Variants in PTPRZ1 observed in about 807,000 individuals in gnomAD.
PTPRZ1 encodes the protein receptor-type tyrosine-protein phosphatase zeta.
PTPRZ1 carries 82 observed loss-of-function variants against 214.1 expected under a neutral mutation model. That is an observed-to-expected ratio of 0.38 (90% CI 0.32 to 0.46). The LOEUF is 0.46. Among genes scored for constraint, PTPRZ1 ranks in the 20% least tolerant of loss-of-function variants. PTPRZ1 has a pLI of 1.00. For missense variants in PTPRZ1, 2,603 were observed against 2,748.7 expected (o/e 0.95, Z 1.19); for synonymous variants, 945 against 987.9 (o/e 0.96, Z 0.81).
At chr7:122,022,267 C>A (rs1186732531) in intron 13 of PTPRZ1, among the ~76,000 whole-genome samples, 2 of 152,116 alleles carry the variant, frequency 1.3e-5, no homozygotes, top group South Asian at 4.1e-4. Context: ...TCCATAATGA[C>A]TAATGATGTT....
rs1253879481 is a variant in PTPRZ1, at chr7:122,034,356, T to A, written c.5262T>A (p.Asn1754Lys). The A allele has an allele frequency of 1.2e-6, 2 of 1,613,196 alleles. No individual in the cohort carries two copies. The highest frequency in any genetic ancestry group is 1.7e-6 in the Non-Finnish European group (2 of 1,179,468). Residue 1754 changes from asparagine (N) to lysine (K), a missense_variant, in exon 17 of 30, where the codon AAT becomes AAA. By Grantham distance (94) the Asn-to-Lys change is moderately conservative. Transcript: ENST00000393386. ...SSNHPDNKHKNRYINIVAYDH... is the reference protein window; with the variant it reads ...SSNHPDNKHKKRYINIVAYDH... ...ACCACCCAGACAACAAGCACAAGAATCGATACATAAATATCGTTGCCTGTA... is the reference window on the plus strand; with the variant it reads ...ACCACCCAGACAACAAGCACAAGAAACGATACATAAATATCGTTGCCTGTA...
intron 15 of PTPRZ1, among the ~76,000 whole-genome samples, chr7:122,033,219 G>A (rs1039905299): frequency 2.0e-5 from 3 of 151,844 alleles, no homozygotes; most frequent in Non-Finnish European, 4.4e-5. Flanking sequence ...AACTAATAGC[G>A]TTATACCTTT....
rs76322969 is a variant in PTPRZ1, at chr7:122,025,147, G to A, written c.4989-3405G>A. On this transcript the variant is annotated intron_variant, in intron 13 of 29. Coordinates refer to ENST00000393386, the MANE Select transcript of PTPRZ1 (RefSeq NM_002851.3). ...GGGTTTACATAAAATCAAGAGATAC[G>A]GCCCCATCTTTTAAAAATGTAATAA... Among the ~76,000 whole-genome samples the A allele has an allele frequency of 5.4e-3, 817 of 151,938 alleles. 2 individuals carry two copies. The highest frequency in any genetic ancestry group is 0.013 in the South Asian group (61 of 4,820).
Position 121,873,458 on chromosome 7 carries a change from A to G in PTPRZ1, c.-42A>G. 6.2e-7 allele frequency: 1 copy of G among 1,605,818 alleles called. No individual in the cohort carries two copies. The highest frequency in any genetic ancestry group is 8.5e-7 in the Non-Finnish European group (1 of 1,174,024). ...CTCCCCCTCCCTCTCCACTCTGAGA[A>G]GCAGAGGAGCCGCACGGCGAGGGGC... On this transcript the variant is annotated 5_prime_UTR_variant, in exon 1 of 30. Transcript: ENST00000393386.
intron 1 of PTPRZ1, among the ~76,000 whole-genome samples, chr7:121,915,272 G>A (rs927730000): frequency 6.6e-6 from 1 of 152,172 alleles, no homozygotes; most frequent in Admixed American, 6.5e-5. Flanking sequence ...GGAAGTGAGT[G>A]CATAGCCTCA....
chr7:122,017,057 G>A (rs1182486604), intron 12 of PTPRZ1, among the ~76,000 whole-genome samples: 1 of 152,042 alleles, frequency 6.6e-6, no homozygotes, highest in Non-Finnish European at 1.5e-5. Flanking sequence ...AAGAAAATCT[G>A]ATATAGATAA....
intron 11 of PTPRZ1, among the ~76,000 whole-genome samples, chr7:122,008,059 T>C (rs1489282410): frequency 1.3e-5 from 2 of 151,970 alleles, no homozygotes; most frequent in Non-Finnish European, 2.9e-5. Context: ...GTGCATAGTT[T>C]TTTCCCAACT....
At chr7:121,893,537 A>G (rs913296424) in intron 1 of PTPRZ1, among the ~76,000 whole-genome samples, 1 of 152,342 alleles carries the variant, frequency 6.6e-6, no homozygotes, top group Non-Finnish European at 1.5e-5. Context: ...CAATGCAGAA[A>G]TTGCACTCTT....
At position 121,943,233 on chromosome 7, in the gene PTPRZ1, A is replaced by C. The variant is rs1005459923; in HGVS notation, c.124+15012A>C. Among the ~76,000 whole-genome samples, 19 of 152,234 alleles carry C rather than the reference A, an allele frequency of 1.2e-4. 1 individual carries two copies. On this transcript the variant is annotated intron_variant, in intron 2 of 29. Transcript: ENST00000393386. ...TGAGGAACTTTATTTCCTTATTTGG[A>C]ATATTCTTAAACTTTTACAGTATGT...
intron 2 of PTPRZ1, among the ~76,000 whole-genome samples, chr7:121,928,737 A>C (rs1795839796): frequency 1.3e-5 from 2 of 152,218 alleles, no homozygotes; most frequent in African/African-American, 4.8e-5. Flanking sequence ...TATTGGTGTT[A>C]GAGTAAAAAA....
At chr7:122,025,960 G>C (rs963899095) in intron 13 of PTPRZ1, among the ~76,000 whole-genome samples, 1 of 152,048 alleles carries the variant, frequency 6.6e-6, no homozygotes, top group African/African-American at 2.4e-5. Flanking sequence ...AGACAGGTAG[G>C]GTTTAAGTAT....
chr7:121,922,903 T>C (rs1460239056), intron 1 of PTPRZ1, among the ~76,000 whole-genome samples: 1 of 152,166 alleles, frequency 6.6e-6, no homozygotes, highest in African/African-American at 2.4e-5. Flanking sequence ...TCTTTGAAAT[T>C]TTTCCTCAAA....
At chr7:121,876,872 C>A (rs567060462) in intron 1 of PTPRZ1, among the ~76,000 whole-genome samples, 1 of 152,162 alleles carries the variant, frequency 6.6e-6, no homozygotes, top group East Asian at 1.9e-4. Context: ...TTGCTTCTGG[C>A]AAAAATTCAG....
chr7:122,038,272 G>A lies in PTPRZ1; in HGVS notation c.5368-483G>A, dbSNP rs542556536. Among the ~76,000 whole-genome samples the A allele has an allele frequency of 2.6e-5, 4 of 152,248 alleles. No homozygotes were observed. The South Asian group carries it at 8.3e-4, about 32-fold the overall frequency. ...CATCTTGTACAAAATGGGACACAGT[G>A]ACGAATTGCTAATAATGATTAGCAC... is the stretch of plus-strand genomic sequence containing the variant. On this transcript the variant is annotated intron_variant, in intron 18 of 29. Transcript: ENST00000393386.
Position 122,042,611 on chromosome 7 carries a change from T to C in PTPRZ1, c.5805T>C (p.Ala1935=), listed in dbSNP as rs1249764098. 6.3e-7 allele frequency: 1 copy of C among 1,594,790 alleles called. No homozygotes were observed. The highest frequency in any genetic ancestry group is 2.3e-5 in the East Asian group (1 of 44,374). The stretch of plus-strand genomic sequence containing the variant: ...TATTTCTTGGTCTTCTCTTCAGTGC[T>C]GGAGTTGGAAGAACAGGCACATATA... ...AVGPVVVHCS[A]GVGRTGTYIV... Residue 1935 remains alanine, a synonymous_variant, in exon 22 of 30, where the codon GCT becomes GCC. Coordinates refer to ENST00000393386, the MANE Select transcript of PTPRZ1 (RefSeq NM_002851.3).
At chr7:121,898,881 A>G (rs980981484) in intron 1 of PTPRZ1, among the ~76,000 whole-genome samples, 4 of 152,206 alleles carry the variant, frequency 2.6e-5, no homozygotes, top group South Asian at 2.1e-4. Context: ...TCAAGAAGTA[A>G]AATAGGGCAT....
intron 22 of PTPRZ1, among the ~76,000 whole-genome samples, chr7:122,043,351 A>AT (rs1799788332): frequency 6.6e-6 from 1 of 152,204 alleles, no homozygotes. Context: ...GTCCACACAC[A>AT]TCCTTGCTAG....
chr7:121,967,023 T>C (rs1386178612), intron 2 of PTPRZ1: 1 of 152,178 alleles, frequency 6.6e-6, no homozygotes, highest in Non-Finnish European at 1.5e-5. Context: ...ACTTGGACTC[T>C]CAATATTTCA....
At chr7:121,918,404 G>A (rs992515555) in intron 1 of PTPRZ1, among the ~76,000 whole-genome samples, 16 of 152,222 alleles carry the variant, frequency 1.1e-4, no homozygotes, top group African/African-American at 2.2e-4. Flanking sequence ...AGTTTGTTGC[G>A]TTTCCTGTTT....
Sources: allele counts gnomAD v4.1 joint callset (sites outside exome capture counted in the v4.1 genomes callset), GRCh38; gene constraint gnomAD v4.1.1; transcripts MANE v1.5; gene names NCBI Gene and HGNC (gene_info 2026-07-23, HGNC 2026-07-21).